RARB: variants seen among roughly 807,000 people sequenced by gnomAD.
The protein encoded by RARB is HBV-activated protein.
Under a neutral mutation model 51.9 loss-of-function variants are expected in RARB, and 17 were observed. The observed-to-expected ratio is 0.33, with a 90% confidence interval of 0.22 to 0.49. The LOEUF is 0.49. RARB is among the 20% of genes least tolerant of loss of function. RARB has a pLI of 0.99. For missense variants in RARB, 369 were observed against 550.8 expected (o/e 0.67, Z 3.30); for synonymous variants, 215 against 195.4 (o/e 1.10, Z -0.84).
At chr3:25,258,368 G>T (rs28597786) in intron 5 of RARB, among the ~76,000 whole-genome samples, 3,222 of 152,234 alleles carry the variant, frequency 0.021, 92 homozygotes, top group African/African-American at 0.067. Context: ...TTTTATGGTC[G>T]CAATTGATAT....
At chr3:25,476,919 T>C (rs1695978534) in intron 2 of RARB, among the ~76,000 whole-genome samples, 1 of 152,236 alleles carries the variant, frequency 6.6e-6, no homozygotes, top group African/African-American at 2.4e-5. Flanking sequence ...TTGTAAGTCT[T>C]GTTCACTTCT....
At chr3:24,863,241 C>T (rs1424658298) in intron 2 of RARB, among the ~76,000 whole-genome samples, 2 of 152,142 alleles carry the variant, frequency 1.3e-5, no homozygotes, top group African/African-American at 2.4e-5. Context: ...AGGATTCCAC[C>T]CAAGATTTTG....
chr3:25,582,892 A>G (rs1408830776), intron 5 of RARB, among the ~76,000 whole-genome samples: 1 of 152,216 alleles, frequency 6.6e-6, no homozygotes, highest in Non-Finnish European at 1.5e-5. Flanking sequence ...TAAGGTAATT[A>G]CTTAAATGGG....
intron 3 of RARB, among the ~76,000 whole-genome samples, chr3:25,552,671 C>G (rs955752270): frequency 6.6e-6 from 1 of 152,114 alleles, no homozygotes; most frequent in African/African-American, 2.4e-5. Context: ...TAAAATCTAC[C>G]TGGAGGAGAT....
At chr3:25,250,254 T>A (rs1672496637) in intron 5 of RARB, among the ~76,000 whole-genome samples, 1 of 152,130 alleles carries the variant, frequency 6.6e-6, no homozygotes, top group Admixed American at 6.5e-5. Flanking sequence ...CAGGCATGCT[T>A]GTGCATGGAT....
intron 1 of RARB, among the ~76,000 whole-genome samples, chr3:25,434,544 TTC>T (rs1157424640): frequency 2.5e-4 from 29 of 115,148 alleles, no homozygotes; most frequent in East Asian, 8.9e-4. Context: ...TTTTTTTTTT[TTC>T]TTTTTTTTTT....
At chr3:25,138,456 A>G (rs1700064791) in intron 4 of RARB, among the ~76,000 whole-genome samples, 1 of 152,002 alleles carries the variant, frequency 6.6e-6, no homozygotes, top group African/African-American at 2.4e-5. Flanking sequence ...TATATAGAGT[A>G]ATGCAAAATA....
rs150959946 is a variant in RARB, at chr3:25,331,675, A to G, written c.179-129518A>G. ...CAGAAGGTAAGAAATAACTAAGATC[A>G]GAGCAGAACTGAAGGAGATAGAGAC... On this transcript the variant is annotated intron_variant, in intron 5 of 11. Coordinates refer to the RARB transcript ENST00000383772. 5.7e-3 allele frequency among the ~76,000 whole-genome samples: 871 copies of G among 152,358 alleles called. 5 individuals are homozygous for G. Among genetic ancestry groups the G allele is most frequent in the African/African-American group, 0.018 (748 of 41,590 alleles).
At chr3:25,450,005 A>G (rs967881521) in intron 1 of RARB, among the ~76,000 whole-genome samples, 8 of 152,104 alleles carry the variant, frequency 5.3e-5, no homozygotes, top group Admixed American at 3.3e-4. Context: ...ACCCGCCACA[A>G]CCTCCCAAGT....
intron 1 of RARB, among the ~76,000 whole-genome samples, chr3:25,438,473 G>GT (rs774660948): frequency 2.6e-5 from 4 of 152,170 alleles, no homozygotes; most frequent in Non-Finnish European, 4.4e-5. Context: ...GGGGCTTTTA[G>GT]TTTTTTGGTT....
chr3:24,986,503 G>A (rs1232103459), intron 2 of RARB, among the ~76,000 whole-genome samples: 1 of 152,050 alleles, frequency 6.6e-6, no homozygotes, highest in East Asian at 1.9e-4. Context: ...GATTACTTTG[G>A]GATTAATGTC....
At chr3:25,465,886 A>G (rs1331860249) in intron 2 of RARB, among the ~76,000 whole-genome samples, 1 of 152,240 alleles carries the variant, frequency 6.6e-6, no homozygotes. Context: ...CTTATTGCTC[A>G]TAGCTAAAAT....
intron 5 of RARB, among the ~76,000 whole-genome samples, chr3:25,390,772 G>C (rs1401544886): frequency 6.6e-6 from 1 of 152,066 alleles, no homozygotes; most frequent in Admixed American, 6.6e-5. Context: ...CTTTCAACCT[G>C]CTTGCTTCCA....
intron 2 of RARB, among the ~76,000 whole-genome samples, chr3:25,496,701 A>T (rs948541691): frequency 2.6e-5 from 4 of 152,212 alleles, no homozygotes; most frequent in African/African-American, 9.6e-5. Flanking sequence ...AAATACCATG[A>T]TTGCCTAGGA....
intron 2 of RARB, among the ~76,000 whole-genome samples, chr3:24,928,089 G>C (rs1209702931): frequency 1.3e-5 from 2 of 152,042 alleles, no homozygotes; most frequent in Admixed American, 6.6e-5. Flanking sequence ...TCTGAGAGTA[G>C]AAAATCAATT....
intron 3 of RARB, among the ~76,000 whole-genome samples, chr3:25,115,016 C>G (rs1442623229): frequency 6.6e-6 from 1 of 152,112 alleles, no homozygotes; most frequent in Non-Finnish European, 1.5e-5. Context: ...ATGATAATTA[C>G]TTTAAAAAAT....
chr3:25,403,371 C>G (rs1242480394), intron 5 of RARB, among the ~76,000 whole-genome samples: 1 of 151,918 alleles, frequency 6.6e-6, no homozygotes, highest in Non-Finnish European at 1.5e-5. Context: ...TCTCATGTAC[C>G]CATAAATATA....
At chr3:24,906,253 A>C (rs1291233387) in intron 2 of RARB, among the ~76,000 whole-genome samples, 1 of 152,080 alleles carries the variant, frequency 6.6e-6, no homozygotes, top group Non-Finnish European at 1.5e-5. Flanking sequence ...GGTTTCAGGG[A>C]GAGTTTCTGG....
At chr3:25,090,814 T>G (rs1392631750) in intron 3 of RARB, among the ~76,000 whole-genome samples, 1 of 152,180 alleles carries the variant, frequency 6.6e-6, no homozygotes, top group Non-Finnish European at 1.5e-5. Context: ...AATTGCTGTA[T>G]GGTGTATCAC....
Sources: allele counts gnomAD v4.1 joint callset (sites outside exome capture counted in the v4.1 genomes callset), GRCh38; gene constraint gnomAD v4.1.1; transcripts MANE v1.5; gene names NCBI Gene and HGNC (gene_info 2026-07-23, HGNC 2026-07-21).